ZNF460: variants seen among roughly 807,000 people sequenced by gnomAD.
ZNF460 encodes zinc finger protein 272.
A neutral mutation model predicts 8.4 loss-of-function variants in ZNF460; 1 was observed. The observed-to-expected ratio is 0.12, with a 90% CI of 0.04 to 0.56. The LOEUF is 0.56. ZNF460 is among the 20% of genes least tolerant of loss of function. The pLI, the probability that ZNF460 is intolerant of heterozygous loss-of-function variation, is 0.91. For missense variants in ZNF460, 477 were observed against 714.8 expected, an observed-to-expected ratio of 0.67 and a Z score of 3.79; for synonymous variants, 262 against 259.9, an observed-to-expected ratio of 1.01 and a Z score of -0.08.
At position 57,290,672 on chromosome 19, in the gene ZNF460, T is replaced by C. The variant is rs772467733; in HGVS notation, c.158-27T>C. 6.3e-6 allele frequency: 10 copies of C among 1,581,006 alleles called. No homozygotes were observed. The East Asian group carries it at 2.2e-4, about 36-fold the overall frequency. On this transcript the variant is annotated intron_variant, in intron 2 of 2. Transcript: ENST00000360338. ...ATTTCTTCTGTACTATCTTAATAAG[T>C]TCTTTTGTGTATTGTGTTCCCTTCA...
At chr19:57,286,527 A>G (rs140695138) in intron 2 of ZNF460, among the ~76,000 whole-genome samples, 6 of 152,312 alleles carry the variant, frequency 3.9e-5, no homozygotes, top group African/African-American at 1.4e-4. Flanking sequence ...AGATGCCTCT[A>G]ATCCCAGCTA....
Position 57,280,603 on chromosome 19 carries a change from C to A in ZNF460, c.-204C>A, listed in dbSNP as rs547483869. 3 of 639,468 alleles carry A rather than the reference C, an allele frequency of 4.7e-6. No homozygotes were observed. The highest frequency in any genetic ancestry group is 3.9e-5 in the South Asian group (2 of 51,490). The allele number at this position is 639,468 out of a possible 1,614,324, so 39.6% of individuals were successfully genotyped here. ...GGCGGGAGCCTGACGCCCCGCTTCT[C>A]CCCTAACGAGGTGTCCCACCGGCGC... On this transcript the variant is annotated 5_prime_UTR_variant, in exon 1 of 3. Transcript: ENST00000360338.
At position 57,280,557 on chromosome 19, in the gene ZNF460, T is replaced by C; in HGVS notation, c.-250T>C. On this transcript the variant is annotated 5_prime_UTR_variant, in exon 1 of 3. Coordinates refer to ENST00000360338, the MANE Select transcript of ZNF460 (RefSeq NM_006635.4). ...GAGCAGGGACGGGTAGTGAAGCGGTTACGCCCCTTCTTCGCGTCTTGGCGG... is the reference window on the plus strand; with the variant it reads ...GAGCAGGGACGGGTAGTGAAGCGGTCACGCCCCTTCTTCGCGTCTTGGCGG... 1 of 580,188 alleles carries C rather than the reference T, an allele frequency of 1.7e-6. No individual in the cohort carries two copies. The highest frequency in any genetic ancestry group is 3.1e-6 in the Non-Finnish European group (1 of 325,526). The allele number at this position is 580,188 out of a possible 1,614,324, so 35.9% of individuals were successfully genotyped here.
intron 1 of ZNF460, 121 bp downstream of exon 1, chr19:57,280,957 T>G: frequency 7.1e-7 from 1 of 1,410,276 alleles, no homozygotes; most frequent in Non-Finnish European, 9.8e-7. Context: ...TTAAGAGAAA[T>G]GGCCGTGGCT....
In ZNF460 at chr19:57,291,366, TG is replaced by T. The variant is rs2087916822; in HGVS notation, c.827del (p.Gly276GlufsTer188). ...TTACACGGCACCAGCGGGTTCACAGTGGAGAGAAGCCTTTTGTGTGCAATGA... is the reference window on the plus strand; with the variant it reads ...TTACACGGCACCAGCGGGTTCACAGTGAGAGAAGCCTTTTGTGTGCAATGA... Reference protein sequence around the residue: ...HLTRHQRVHSGEKPFVCNECG... With the variant: ...HLTRHQRVHSXEKPFVCNECG... On this transcript the variant is annotated frameshift_variant, in exon 3 of 3. Transcript: ENST00000360338. LOFTEE classifies it low-confidence loss of function (END_TRUNC). The surrounding 1 kb of genome is among the most constrained non-coding windows in gnomAD (Gnocchi z 8.4). 1 of 1,613,862 alleles carries T rather than the reference TG, an allele frequency of 6.2e-7. No individual in the cohort carries two copies. The highest frequency in any genetic ancestry group is 8.5e-7 in the Non-Finnish European group (1 of 1,180,006).
At position 57,292,504 on chromosome 19, in the gene ZNF460, G is replaced by A. The variant is rs1257096294; in HGVS notation, c.*274G>A. On this transcript the variant is annotated 3_prime_UTR_variant, in exon 3 of 3. Coordinates refer to ENST00000360338, the MANE Select transcript of ZNF460 (RefSeq NM_006635.4). Reference sequence around the variant, plus strand: ...ATAATTCACCCATGAAAGAGACCCAGTGGTTACTGTGCACTTAGGAAAACC... The same window carrying A: ...ATAATTCACCCATGAAAGAGACCCAATGGTTACTGTGCACTTAGGAAAACC... 2 of 362,086 alleles carry A rather than the reference G, an allele frequency of 5.5e-6. No individual in the cohort carries two copies. The highest frequency in any genetic ancestry group is 1.0e-5 in the Non-Finnish European group (2 of 198,042). The allele number at this position is 362,086 out of a possible 1,614,324, so 22.4% of individuals were successfully genotyped here.
chr19:57,292,433 A>G lies in ZNF460; in HGVS notation c.*203A>G. 1.7e-6 allele frequency: 1 copy of G among 581,674 alleles called. No individual in the cohort carries two copies. The highest frequency in any genetic ancestry group is 3.0e-6 in the Non-Finnish European group (1 of 333,840). The allele number at this position is 581,674 out of a possible 1,614,324, so 36.0% of individuals were successfully genotyped here. On this transcript the variant is annotated 3_prime_UTR_variant, in exon 3 of 3. Coordinates refer to ENST00000360338, the MANE Select transcript of ZNF460 (RefSeq NM_006635.4). ...TTAGATCATCATTTGTCATCTAAACAATTATGTTAGAAATTGACACAGCCA... is the reference window on the plus strand; with the variant it reads ...TTAGATCATCATTTGTCATCTAAACGATTATGTTAGAAATTGACACAGCCA...
rs972338494 is a variant in ZNF460 at position 57,293,959 on chromosome 19, A to T, written c.*1729A>T. 2 of 152,172 alleles carry T rather than the reference A, an allele frequency of 1.3e-5. No individual in the cohort carries two copies. Among genetic ancestry groups the T allele is most frequent in the Non-Finnish European group, 2.9e-5 (2 of 68,022 alleles). The allele number at this position is 152,172 out of a possible 1,614,324, so 9.4% of individuals were successfully genotyped here. ...ATGGCTGAGTAGTATTCCATTGTGT[A>T]TATATGCCATGTTTTCTTTCTTCAT... is the stretch of plus-strand genomic sequence containing the variant. On this transcript the variant is annotated 3_prime_UTR_variant, in exon 3 of 3. Transcript: ENST00000360338.
chr19:57,285,983 C>T (rs1242987947), intron 2 of ZNF460, among the ~76,000 whole-genome samples: 1 of 152,176 alleles, frequency 6.6e-6, no homozygotes, highest in East Asian at 1.9e-4. Context: ...GTACTGAACT[C>T]CTCTGTGCCT....
Position 57,293,423 on chromosome 19 carries a change from C to T in ZNF460, c.*1193C>T, listed in dbSNP as rs1036587722. The T allele has an allele frequency of 3.9e-5, 6 of 152,086 alleles. No homozygotes were observed. The highest frequency in any genetic ancestry group is 8.8e-5 in the Non-Finnish European group (6 of 68,022). The allele number at this position is 152,086 out of a possible 1,614,324, so 9.4% of individuals were successfully genotyped here. On this transcript the variant is annotated 3_prime_UTR_variant, in exon 3 of 3. Transcript: ENST00000360338. ...GGTAGTTGTCACCATGGATTGAGTCCAGTCGTAGTAATTAATATGTTTAAT... is the reference window on the plus strand; with the variant it reads ...GGTAGTTGTCACCATGGATTGAGTCTAGTCGTAGTAATTAATATGTTTAAT...
In ZNF460 at chr19:57,291,981, G is replaced by A. The variant is rs2087921076; in HGVS notation, c.1440G>A (p.Glu480=). Residue 480 remains glutamate, a synonymous_variant, in exon 3 of 3, where the codon GAG becomes GAA. Transcript: ENST00000360338. This position sits in a 1 kb window ranked among gnomAD's most constrained non-coding sequence, Gnocchi z 8.4. The stretch of plus-strand genomic sequence containing the variant: ...GAGAGAAGCCCTATGAATGCGTGGA[G>A]TGCGGGAAGGCCTTCAACCGCAGGT... ...HTGEKPYECV[E]CGKAFNRRSP... is the part of the protein sequence containing the mutation. The A allele has an allele frequency of 6.2e-7, 1 of 1,613,908 alleles. No individual in the cohort carries two copies. The highest frequency in any genetic ancestry group is 1.3e-5 in the African/African-American group (1 of 74,860).
At position 57,283,502 on chromosome 19, in the gene ZNF460, CTTTTT is replaced by C. The variant is rs926242067; in HGVS notation, c.31-1029_31-1025del. On this transcript the variant is annotated intron_variant, in intron 1 of 2. Transcript: ENST00000360338. ...TTTTTCTTTAGTTCTTTTGACTATT[CTTTTT>C]TTTTTTTTTTTTTTTTTTTGAGACA... Among the ~76,000 whole-genome samples, 8 of 68,548 alleles carry C rather than the reference CTTTTT, an allele frequency of 1.2e-4. No homozygotes were observed. In the East Asian group the frequency reaches 2.7e-3, roughly 23 times the overall value. 45.0% of individuals were successfully genotyped at this position (68,548 alleles called of 152,430 possible).
At chr19:57,281,455 C>A (rs946128528) in intron 1 of ZNF460, among the ~76,000 whole-genome samples, 1 of 148,506 alleles carries the variant, frequency 6.7e-6, no homozygotes, top group Admixed American at 6.8e-5. Flanking sequence ...GTAATGGGAA[C>A]AAAGAAAAAT....
At chr19:57,284,813 A>ATT (rs755694218) in intron 2 of ZNF460, 136 bp downstream of exon 2, 11,028 of 628,172 alleles carry the variant, frequency 0.018, 59 homozygotes, top group African/African-American at 0.048. Context: ...GCTTTACTCT[A>ATT]TTTTTTTTTT....
Position 57,290,798 on chromosome 19 carries a change from G to T in ZNF460, c.257G>T (p.Arg86Ile). ...LQEQLAQGVP[R>I]YSYLGQAMDQ... is the part of the protein sequence containing the mutation. ...GAACAGCTGGCACAGGGAGTCCCAAGATACTCCTATTTGGGGCAGGCCATG... is the reference window on the plus strand; with the variant it reads ...GAACAGCTGGCACAGGGAGTCCCAATATACTCCTATTTGGGGCAGGCCATG... Residue 86 changes from arginine to isoleucine, a missense_variant, in exon 3 of 3, where the codon AGA becomes ATA. Coordinates refer to ENST00000360338, the MANE Select transcript of ZNF460 (RefSeq NM_006635.4). 6.2e-7 allele frequency: 1 copy of T among 1,614,212 alleles called. No individual in the cohort carries two copies. The highest frequency in any genetic ancestry group is 8.5e-7 in the Non-Finnish European group (1 of 1,180,048).
chr19:57,283,733 C>T (rs1349640912), intron 1 of ZNF460, among the ~76,000 whole-genome samples: 1 of 150,650 alleles, frequency 6.6e-6, no homozygotes, highest in Non-Finnish European at 1.5e-5. Context: ...AATTCCTGAC[C>T]TCAGGTAATT....
chr19:57,289,472 A>T (rs2087901071), intron 2 of ZNF460, among the ~76,000 whole-genome samples: 1 of 152,178 alleles, frequency 6.6e-6, no homozygotes, highest in Non-Finnish European at 1.5e-5. Context: ...CTTTAAGCTC[A>T]TGAAGCATCC....
At chr19:57,284,118 G>A (rs1035466958) in intron 1 of ZNF460, among the ~76,000 whole-genome samples, 1 of 152,136 alleles carries the variant, frequency 6.6e-6, no homozygotes, top group African/African-American at 2.4e-5. Context: ...CTTACTGTCT[G>A]TGCCTCTCAG....
intron 1 of ZNF460, among the ~76,000 whole-genome samples, chr19:57,281,556 ATTTTTTTT>A (rs71293946): frequency 3.5e-5 from 3 of 85,042 alleles, no homozygotes; most frequent in African/African-American, 4.9e-5. Flanking sequence ...TAACCCTGAA[ATTTTTTTT>A]TTTTTTTTTT....
Sources: gnomAD v4.1 joint callset for allele counts (sites outside exome capture counted in the v4.1 genomes callset) on GRCh38, gnomAD v4.1.1 for gene constraint, Gnocchi (gnomAD v3.1) non-coding constraint, MANE v1.5 for transcripts, NCBI Gene and HGNC (gene_info 2026-07-23, HGNC 2026-07-21) for gene names.